The following TDRD12 variants were observed in gnomAD, a reference collection of about 807,000 sequenced individuals.
The protein encoded by TDRD12 is tudor domain containing 12.
TDRD12 carries 158 observed loss-of-function variants against 133.5 expected under a neutral mutation model. The observed-to-expected ratio is 1.18, with a 90% confidence interval of 1.04 to 1.35. The LOEUF is 1.35. Ranked by LOEUF, TDRD12 falls within the 40% of genes most tolerant of loss-of-function variation. TDRD12 has a pLI of 0.00. For synonymous variants in TDRD12, 460 were observed against 477.9 expected, an observed-to-expected ratio of 0.96 and a Z score of 0.49; for missense variants, 1,443 against 1,321.3, an observed-to-expected ratio of 1.09 and a Z score of -1.43.
intron 13 of TDRD12, among the ~76,000 whole-genome samples, chr19:32,793,378 GT>G (rs1412341387): frequency 6.6e-6 from 1 of 152,102 alleles, no homozygotes; most frequent in Admixed American, 6.5e-5. Context: ...AAACAAAGAA[GT>G]AACCCGAGAA....
At chr19:32,805,177 A>G (rs1293928050) in intron 21 of TDRD12, among the ~76,000 whole-genome samples, 1 of 111,526 alleles carries the variant, frequency 9.0e-6, no homozygotes, top group Non-Finnish European at 1.7e-5. Flanking sequence ...TATTATATAT[A>G]TAACATATAT....
chr19:32,768,646 G>A (rs1970363759), intron 8 of TDRD12, among the ~76,000 whole-genome samples: 1 of 152,022 alleles, frequency 6.6e-6, no homozygotes, highest in African/African-American at 2.4e-5. Context: ...GATTACAGGT[G>A]TGAGCCACTG....
chr19:32,768,196 C>G (rs1970351108), intron 8 of TDRD12, among the ~76,000 whole-genome samples: 1 of 152,088 alleles, frequency 6.6e-6, no homozygotes, highest in Admixed American at 6.6e-5. Flanking sequence ...TTTGCTGACC[C>G]TGATCTGGAG....
rs1969599029 is a variant in TDRD12 at position 32,745,911 on chromosome 19, A to G, written c.441-2565A>G. 3.4e-5 allele frequency among the ~76,000 whole-genome samples: 5 copies of G among 145,400 alleles called. No homozygotes were observed. In the Admixed American group the frequency reaches 3.4e-4, roughly 10 times the overall value. On this transcript the variant is annotated intron_variant, in intron 4 of 27. Coordinates refer to ENST00000444215, the Ensembl canonical transcript of TDRD12. ...TATTCTGTGTGTGACAGAGAGTGGG[A>G]GAGAGACTGGCTGATGTGGTTATTC...
downstream of TDRD12, chr19:32,826,177 A>G: frequency 6.5e-7 from 1 of 1,534,600 alleles, no homozygotes; most frequent in Non-Finnish European, 8.7e-7. Context: ...TCCACTCGGC[A>G]TGGAGGAGTC....
intron 11 of TDRD12, among the ~76,000 whole-genome samples, chr19:32,788,211 C>T (rs1185218423): frequency 1.3e-5 from 2 of 151,848 alleles, no homozygotes; most frequent in African/African-American, 2.4e-5. Context: ...CAGCTTCTGC[C>T]TCCTGGGTTC....
chr19:32,815,332 G>C, intron 25 of TDRD12, 116 bp from the exon 26 acceptor site: 2 of 844,776 alleles, frequency 2.4e-6, no homozygotes, highest in Non-Finnish European at 3.6e-6. Flanking sequence ...GGCAAGCGCC[G>C]AAGTGCAGCC....
chr19:32,758,459 A>C (rs1263301625), intron 8 of TDRD12, among the ~76,000 whole-genome samples: 1 of 152,164 alleles, frequency 6.6e-6, no homozygotes, highest in Non-Finnish European at 1.5e-5. Context: ...AAACGGAAAG[A>C]CAGTTTCTCA....
chr19:32,735,320 A>C (rs1190458639), intron 2 of TDRD12, among the ~76,000 whole-genome samples: 2 of 152,232 alleles, frequency 1.3e-5, no homozygotes, highest in African/African-American at 4.8e-5. Context: ...AATATGGAGA[A>C]AGTTTTATTG....
exon 4 of TDRD12, chr19:32,742,790 T>A (rs1969471558): frequency 7.7e-6 from 12 of 1,551,566 alleles, no homozygotes; most frequent in Non-Finnish European, 1.0e-5. Flanking sequence ...GCATCCGAGT[T>A]GTAGTAGAAT....
exon 10 of TDRD12, chr19:32,829,187 G>C (rs752463153): frequency 6.6e-6 from 1 of 152,234 alleles, no homozygotes; most frequent in Non-Finnish European, 1.5e-5. Context: ...CGCCCCGTGC[G>C]CACCAGCTGC....
At chr19:32,748,589 G>A in intron 5 of TDRD12, 58 bp downstream of exon 5, 3 of 1,500,072 alleles carry the variant, frequency 2.0e-6, no homozygotes, top group Non-Finnish European at 2.7e-6. Flanking sequence ...AGAGGCCTCA[G>A]CTTCTGCTGC....
chr19:32,805,700 C>T (rs138948851), intron 21 of TDRD12, among the ~76,000 whole-genome samples: 228 of 150,410 alleles, frequency 1.5e-3, no homozygotes, highest in African/African-American at 5.2e-3. Context: ...AAATCCATTG[C>T]ATCTCCACAT....
intron 4 of TDRD12, among the ~76,000 whole-genome samples, chr19:32,747,932 T>A (rs1289079528): frequency 6.6e-6 from 1 of 152,154 alleles, no homozygotes; most frequent in African/African-American, 2.4e-5. Flanking sequence ...AGAGGATCCC[T>A]TGAGCCCAGG....
chr19:32,730,837 GA>G (rs1239039744), intron 1 of TDRD12, among the ~76,000 whole-genome samples: 1 of 152,144 alleles, frequency 6.6e-6, no homozygotes, highest in Non-Finnish European at 1.5e-5. Flanking sequence ...CCAACATGAT[GA>G]AATCCTGTCT....
At chr19:32,773,346 T>G in intron 9 of TDRD12, 110 bp from the exon 10 acceptor site, 1 of 936,302 alleles carries the variant, frequency 1.1e-6, no homozygotes, top group Non-Finnish European at 1.7e-6. Context: ...ATGAAAGATG[T>G]CTGGGATGGT....
chr19:32,800,067 C>A, intron 16 of TDRD12, 100 bp from the exon 17 acceptor site: 1 of 760,914 alleles, frequency 1.3e-6, no homozygotes, highest in Non-Finnish European at 2.0e-6. Flanking sequence ...TTTCTCCACT[C>A]TGAGAACAGA....
intron 27 of TDRD12, among the ~76,000 whole-genome samples, chr19:32,819,542 G>A (rs568139325): frequency 2.0e-5 from 3 of 152,190 alleles, no homozygotes; most frequent in African/African-American, 7.2e-5. Context: ...GGGAAGCACT[G>A]ACTTTGAGCC....
intron 19 of TDRD12, 144 bp from the exon 20 acceptor site, chr19:32,802,511 GA>G (rs1174467475): frequency 4.1e-5 from 39 of 962,912 alleles, no homozygotes; most frequent in Middle Eastern, 6.8e-4. Flanking sequence ...GCATTTTGGG[GA>G]AAAAAATGGG....
Sources: gnomAD v4.1 joint callset for allele counts (sites outside exome capture counted in the v4.1 genomes callset) on GRCh38, gnomAD v4.1.1 for gene constraint, MANE v1.5 for transcripts, NCBI Gene and HGNC (gene_info 2026-07-23, HGNC 2026-07-21) for gene names.